DLL3: variants seen among roughly 807,000 people sequenced by gnomAD.
DLL3 encodes delta-like protein 3.
Under a neutral mutation model 55.0 loss-of-function variants are expected in DLL3, and 49 were observed. The observed-to-expected ratio is 0.89, with a 90% CI of 0.71 to 1.13. The LOEUF (loss-of-function observed/expected upper bound fraction) is 1.13, where lower values mean the gene tolerates loss of function less well. Among genes scored for constraint, DLL3 ranks in the 50% most tolerant of loss-of-function variants. The pLI is 0.00. For synonymous variants in DLL3, 421 were observed against 385.2 expected (o/e 1.09, Z -1.09); for missense variants, 962 against 875.5 (o/e 1.10, Z -1.25).
Position 39,505,129 on chromosome 19 carries a change from A to T in DLL3, c.871-100A>T, listed in dbSNP as rs377256847. On this transcript the variant is annotated intron_variant, in intron 5 of 8. Transcript: ENST00000356433. ...GGTGGCCCCTGCATAGTGGGACTTG[A>T]GACTGGACAAGGAGCAGCCCCCAGT... 9.5e-5 allele frequency: 120 copies of T among 1,257,534 alleles called. No individual in the cohort carries two copies. In the African/African-American group the frequency reaches 1.6e-3, roughly 17 times the overall value. The allele number at this position is 1,257,534 out of a possible 1,614,324, so 77.9% of individuals were successfully genotyped here. A position where few individuals can be genotyped will look rare whatever the true frequency, so the allele number is the denominator to read the frequency against.
chr19:39,502,871 G>T lies in DLL3; in HGVS notation c.466G>T (p.Gly156Cys). The T allele has an allele frequency of 7.1e-7, 1 of 1,416,460 alleles. No homozygotes were observed. 87.7% of individuals were successfully genotyped at this position (1,416,460 alleles called of 1,614,324 possible). ...TGGCAGGCGGCGCTTGGCAGCCGGAGGCCCGTGGGCCCGGGACATTCAGCG... is the reference window on the plus strand; with the variant it reads ...TGGCAGGCGGCGCTTGGCAGCCGGATGCCCGTGGGCCCGGGACATTCAGCG... ...VAGRRRLAAG[G>C]PWARDIQRAG... is the part of the protein sequence containing the mutation. The change falls in exon 4 of 9, where the codon GGC becomes TGC. Residue 156 changes from glycine to cysteine, a missense_variant. Transcript: ENST00000356433.
chr19:39,507,615 C>G lies in DLL3; in HGVS notation c.1670C>G (p.Pro557Arg). Residue 557 changes from proline to arginine, a missense_variant, in exon 7 of 9, where the codon CCG becomes CGG. Physicochemically the swap from Pro to Arg is moderately radical, Grantham distance 103. Transcript: ENST00000356433. The stretch of plus-strand genomic sequence containing the variant: ...ACGCAGGAGGGTTCCGGGGATGGTC[C>G]GAGGTGAGGGGCTGCGCCACAGACG... ...LRTQEGSGDG[P>R]SSSVDWNRPE... 6.2e-7 allele frequency: 1 copy of G among 1,606,254 alleles called. No homozygotes were observed. Among genetic ancestry groups the G allele is most frequent in the South Asian group, 1.1e-5 (1 of 89,960 alleles).
rs893690137 is a variant in DLL3, at chr19:39,507,077, C to G, written c.1132C>G (p.Arg378Gly). 4.5e-6 allele frequency: 7 copies of G among 1,542,554 alleles called. No individual in the cohort carries two copies. The highest frequency in any genetic ancestry group is 2.1e-4 in the Middle Eastern group (1 of 4,720). Residue 378 changes from arginine to glycine, a missense_variant, in exon 7 of 9, where the codon CGC (arginine) becomes GGC (glycine). Arg to Gly is a moderately radical substitution (Grantham distance 125). Transcript: ENST00000356433. The part of the protein sequence containing the change: ...CLDLGHALRC[R>G]CRAGFAGPRC... ...GGACCTGGGCCACGCCCTGCGCTGC[C>G]GCTGCCGCGCCGGCTTCGCGGGTCC...
intron 8 of DLL3, 108 bp downstream of exon 8, chr19:39,508,022 G>C: frequency 6.2e-7 from 1 of 1,610,976 alleles, no homozygotes; most frequent in Non-Finnish European, 8.5e-7. Context: ...GAATTGGGTA[G>C]AGTCTCTGGA....
chr19:39,503,928 A>G (rs1313538316), intron 4 of DLL3, 143 bp from the exon 5 acceptor site: 2 of 827,782 alleles, frequency 2.4e-6, no homozygotes, highest in East Asian at 5.3e-5. Flanking sequence ...TCACAGTACC[A>G]TCTAGTCCCG....
chr19:39,507,272 C>G lies in DLL3; in HGVS notation c.1327C>G (p.Arg443Gly). Reference sequence around the variant, plus strand: ...CGCGCGCCCCTGTGCTCACGGCGGCCGCTGCTACGCCCACTTCTCCGGCCT... The same window carrying G: ...CGCGCGCCCCTGTGCTCACGGCGGCGGCTGCTACGCCCACTTCTCCGGCCT... ...CAARPCAHGG[R>G]CYAHFSGLVC... The change falls in exon 7 of 9, where the codon CGC becomes GGC. Residue 443 changes from arginine to glycine, a missense_variant. Physicochemically the swap from Arg to Gly is moderately radical, Grantham distance 125 (BLOSUM62 -2). Transcript: ENST00000356433. 1 of 1,533,022 alleles carries G rather than the reference C, an allele frequency of 6.5e-7. No homozygotes were observed. The highest frequency in any genetic ancestry group is 8.7e-7 in the Non-Finnish European group (1 of 1,146,400). The allele number at this position is 1,533,022 out of a possible 1,614,324, so 95.0% of individuals were successfully genotyped here.
At position 39,499,866 on chromosome 19, in the gene DLL3, T is replaced by C. The variant is rs1356605862; in HGVS notation, c.351+393T>C. On this transcript the variant is annotated intron_variant, in intron 2 of 8. Coordinates refer to ENST00000356433, the MANE Select transcript of DLL3 (RefSeq NM_203486.3). ...ATATCTTCTCTCTCTTTTTTTTTTT[T>C]TTTCTGTCCTCAGTTCTTTCAGTTG... Among the ~76,000 whole-genome samples the C allele has an allele frequency of 1.3e-5, 2 of 151,618 alleles. 1 individual carries two copies. Among genetic ancestry groups the C allele is most frequent in the East Asian group, 3.9e-4 (2 of 5,190 alleles).
chr19:39,508,436 C>A lies in DLL3; in HGVS notation c.*179C>A. ...TCCTATTTTTTCTCACCCCATCTCT[C>A]TAGAAACACCTATAAAGGCTATTAT... On this transcript the variant is annotated 3_prime_UTR_variant, in exon 9 of 9. Coordinates refer to ENST00000356433, the MANE Select transcript of DLL3 (RefSeq NM_203486.3). The A allele has an allele frequency of 2.9e-6, 2 of 693,016 alleles. No individual in the cohort carries two copies. The highest frequency in any genetic ancestry group is 5.0e-6 in the Non-Finnish European group (2 of 398,870). The allele number at this position is 693,016 out of a possible 1,614,324, so 42.9% of individuals were successfully genotyped here.
chr19:39,505,475 C>G (rs371137037), intron 6 of DLL3, 24 bp downstream of exon 6: 2 of 1,612,362 alleles, frequency 1.2e-6, no homozygotes, highest in East Asian at 2.2e-5. Context: ...GCCTGAACGG[C>G]GAGGGATGGG....
At chr19:39,505,660 A>G (rs921758065) in intron 6 of DLL3, 18 of 591,144 alleles carry the variant, frequency 3.0e-5, no homozygotes, top group African/African-American at 5.6e-5. Flanking sequence ...GCCAGGCCCT[A>G]TTCTAGGCAC....
chr19:39,505,681 G>T (rs990063059), intron 6 of DLL3: 2 of 553,942 alleles, frequency 3.6e-6, no homozygotes, highest in Non-Finnish European at 6.5e-6. Flanking sequence ...TGAGGATACA[G>T]CAGGGAATGA....
At chr19:39,508,113 T>C in intron 8 of DLL3, 139 bp from the exon 9 acceptor site, 1 of 1,612,076 alleles carries the variant, frequency 6.2e-7, no homozygotes, top group Non-Finnish European at 8.5e-7. Flanking sequence ...ACCTGCCATC[T>C]TCTCTTTGAA....
In DLL3 at chr19:39,499,326, C is replaced by G; in HGVS notation, c.204C>G (p.Leu68=). The G allele has an allele frequency of 1.3e-6, 2 of 1,547,832 alleles. No homozygotes were observed. Among genetic ancestry groups the G allele is most frequent in the Non-Finnish European group, 1.7e-6 (2 of 1,151,528 alleles). ...LFFRVCLKPG[L]SEEAAESPCA... is the part of the protein sequence containing the mutation. ...TCAGAGTCTGCCTGAAGCCTGGGCTCTCAGAGGAGGCCGCCGAGTCCCCGT... is the reference window on the plus strand; with the variant it reads ...TCAGAGTCTGCCTGAAGCCTGGGCTGTCAGAGGAGGCCGCCGAGTCCCCGT... The change falls in exon 2 of 9, where the codon CTC becomes CTG. Residue 68 remains leucine (L), a synonymous_variant. Coordinates refer to ENST00000356433, the MANE Select transcript of DLL3 (RefSeq NM_203486.3).
intron 5 of DLL3, among the ~76,000 whole-genome samples, chr19:39,504,681 C>CGGGGCT (rs2079630407): frequency 6.6e-6 from 1 of 151,900 alleles, no homozygotes; most frequent in Non-Finnish European, 1.5e-5. Flanking sequence ...GGAGGTGGCC[C>CGGGGCT]GGGGCTGGGG....
chr19:39,507,583 C>T lies in DLL3; in HGVS notation c.1638C>T (p.Asn546=), dbSNP rs761480287. The T allele has an allele frequency of 4.3e-6, 7 of 1,609,264 alleles. No homozygotes were observed. The African/African-American group carries it at 6.7e-5, about 15-fold the overall frequency. ...ACGCACTCCCGGATGCACTCAACAA[C>T]CTAAGGACGCAGGAGGGTTCCGGGG... is the stretch of plus-strand genomic sequence containing the variant. ...SVHALPDALN[N]LRTQEGSGDG... is the part of the protein sequence containing the mutation. Residue 546 remains asparagine, a synonymous_variant, in exon 7 of 9, where the codon AAC becomes AAT. Coordinates refer to ENST00000356433, the MANE Select transcript of DLL3 (RefSeq NM_203486.3).
intron 2 of DLL3, among the ~76,000 whole-genome samples, chr19:39,500,190 G>A (rs1213665337): frequency 6.6e-6 from 1 of 151,688 alleles, no homozygotes; most frequent in Admixed American, 6.6e-5. Context: ...CACTTTGGGA[G>A]GTCTAGGCAG....
chr19:39,506,720 A>AG (rs1287365577), intron 6 of DLL3, among the ~76,000 whole-genome samples: 2 of 151,902 alleles, frequency 1.3e-5, no homozygotes, highest in Non-Finnish European at 2.9e-5. Flanking sequence ...AAGGGAAGAG[A>AG]GGAGGGGTAT....
Position 39,507,089 on chromosome 19 carries a change from G to C in DLL3, c.1144G>C (p.Gly382Arg), listed in dbSNP as rs758562918. 6.5e-7 allele frequency: 1 copy of C among 1,543,054 alleles called. No homozygotes were observed. Among genetic ancestry groups the C allele is most frequent in the Non-Finnish European group, 8.7e-7 (1 of 1,151,540 alleles). ...GHALRCRCRA[G>R]FAGPRCEHDL... ...CGCCCTGCGCTGCCGCTGCCGCGCCGGCTTCGCGGGTCCTCGCTGCGAGCA... is the reference window on the plus strand; with the variant it reads ...CGCCCTGCGCTGCCGCTGCCGCGCCCGCTTCGCGGGTCCTCGCTGCGAGCA... The change falls in exon 7 of 9, where the codon GGC (glycine) becomes CGC (arginine). Residue 382 changes from glycine to arginine, a missense_variant. Coordinates refer to ENST00000356433, the MANE Select transcript of DLL3 (RefSeq NM_203486.3).
rs779543693 is a variant in DLL3, at chr19:39,504,268, G to A, written c.850G>A (p.Ala284Thr). The change falls in exon 5 of 9, where the codon GCC becomes ACC. Residue 284 changes from alanine (A) to threonine (T), a missense_variant. Transcript: ENST00000356433. ...TGGGCCCTGTGACGGGAACCCGTGT[G>A]CCAATGGAGGCAGCTGTAGTGTCAG... is the stretch of plus-strand genomic sequence containing the variant. ...GPGPCDGNPC[A>T]NGGSCSETPR... 10 of 1,612,662 alleles carry A rather than the reference G, an allele frequency of 6.2e-6. No individual in the cohort carries two copies. In the Admixed American group the frequency reaches 8.3e-5, roughly 13 times the overall value.
Sources: gnomAD v4.1 joint callset for allele counts (sites outside exome capture counted in the v4.1 genomes callset) on GRCh38, gnomAD v4.1.1 for gene constraint, MANE v1.5 for transcripts, NCBI Gene and HGNC (gene_info 2026-07-23, HGNC 2026-07-21) for gene names.